Variants in DPYD observed in about 807,000 individuals in gnomAD.
The protein encoded by DPYD is dihydropyrimidine dehydrogenase [NADP(+)].
DPYD carries 109 observed loss-of-function variants against 116.2 expected under a neutral mutation model. That is an observed-to-expected ratio of 0.94 (90% CI 0.80 to 1.10). The LOEUF (loss-of-function observed/expected upper bound fraction) is 1.10. DPYD is among the 50% of genes least tolerant of loss of function. The probability of loss-of-function intolerance (pLI) is 0.00; values close to 1 mark genes in which losing one functional copy is unlikely to be tolerated. For synonymous variants in DPYD, 440 were observed against 432.0 expected (o/e 1.02, Z -0.23); for missense variants, 1,302 against 1,254.5 (o/e 1.04, Z -0.57).
At chr1:97,398,587 C>T (rs1399963790) in intron 14 of DPYD, among the ~76,000 whole-genome samples, 2 of 152,150 alleles carry the variant, frequency 1.3e-5, no homozygotes, top group Non-Finnish European at 2.9e-5. Flanking sequence ...TCCTGTTTCT[C>T]CACATCCTCT....
intron 2 of DPYD, among the ~76,000 whole-genome samples, chr1:97,870,892 C>G (rs1000274867): frequency 6.6e-6 from 1 of 151,720 alleles, no homozygotes; most frequent in South Asian, 2.1e-4. Context: ...TGGGTTCCAC[C>G]GATTAGTGTT....
At chr1:97,833,719 C>G (rs760491132) in intron 2 of DPYD, among the ~76,000 whole-genome samples, 1 of 151,988 alleles carries the variant, frequency 6.6e-6, no homozygotes, top group Non-Finnish European at 1.5e-5. Context: ...AAAGAATAAA[C>G]AGAAGAAGAG....
At chr1:97,726,100 T>C (rs1489632168) in intron 4 of DPYD, among the ~76,000 whole-genome samples, 1 of 151,602 alleles carries the variant, frequency 6.6e-6, no homozygotes, top group Non-Finnish European at 1.5e-5. Flanking sequence ...AACTAGGCAA[T>C]GACCTGTAGG....
chr1:97,834,447 T>G (rs1669672222), intron 2 of DPYD, among the ~76,000 whole-genome samples: 2 of 151,964 alleles, frequency 1.3e-5, no homozygotes, highest in Admixed American at 6.6e-5. Flanking sequence ...TTGCCATGTA[T>G]TAGTGATATA....
chr1:97,789,179 C>G (rs1667193094), intron 3 of DPYD, among the ~76,000 whole-genome samples: 2 of 152,130 alleles, frequency 1.3e-5, no homozygotes, highest in African/African-American at 4.8e-5. Flanking sequence ...ATAATAAATT[C>G]ATAGTGACCC....
chr1:97,231,874 T>A (rs1408802435), intron 19 of DPYD, among the ~76,000 whole-genome samples: 1 of 152,186 alleles, frequency 6.6e-6, no homozygotes, highest in Non-Finnish European at 1.5e-5. Flanking sequence ...AGCAAGAGTC[T>A]CTTCTGAAAC....
At chr1:97,458,858 C>A (rs991471266) in intron 13 of DPYD, among the ~76,000 whole-genome samples, 1 of 152,080 alleles carries the variant, frequency 6.6e-6, no homozygotes, top group Non-Finnish European at 1.5e-5. Context: ...CAATCTCAGA[C>A]CCTCTCTGAA....
chr1:97,162,448 G>C (rs1216610175), intron 20 of DPYD, among the ~76,000 whole-genome samples: 1 of 152,090 alleles, frequency 6.6e-6, no homozygotes. Flanking sequence ...TCTTCAAGGA[G>C]AACTACAAAC....
At chr1:97,666,723 T>A (rs1213078711) in intron 8 of DPYD, among the ~76,000 whole-genome samples, 1 of 152,126 alleles carries the variant, frequency 6.6e-6, no homozygotes, top group Non-Finnish European at 1.5e-5. Context: ...TTTCTCACCA[T>A]GGGGGGTTTC....
intron 16 of DPYD, among the ~76,000 whole-genome samples, chr1:97,332,932 A>G (rs1669090169): frequency 6.6e-6 from 1 of 152,168 alleles, no homozygotes; most frequent in African/African-American, 2.4e-5. Flanking sequence ...ATGGCTAAGA[A>G]TGAGTTGAAC....
chr1:97,204,832 A>G (rs929595197), intron 19 of DPYD, among the ~76,000 whole-genome samples: 5 of 152,060 alleles, frequency 3.3e-5, no homozygotes, highest in Non-Finnish European at 7.4e-5. Context: ...GAGCATTAAC[A>G]TTGGATCTAA....
chr1:97,757,572 T>C (rs1447055970), intron 3 of DPYD, among the ~76,000 whole-genome samples: 1 of 152,182 alleles, frequency 6.6e-6, no homozygotes, highest in Non-Finnish European at 1.5e-5. Context: ...TGCCATTGTT[T>C]GGCTTTTGAG....
At chr1:97,804,729 T>A (rs1668001362) in intron 3 of DPYD, among the ~76,000 whole-genome samples, 1 of 151,828 alleles carries the variant, frequency 6.6e-6, no homozygotes, top group African/African-American at 2.4e-5. Context: ...GATAGGTAAG[T>A]GTTTAAGTGG....
chr1:97,725,755 G>A (rs1266283421), intron 4 of DPYD, among the ~76,000 whole-genome samples: 6 of 151,610 alleles, frequency 4.0e-5, no homozygotes, highest in Non-Finnish European at 8.9e-5. Flanking sequence ...GCAAAAGAAT[G>A]AAGTTTGACC....
chr1:97,546,763 A>G (rs1650899276), intron 12 of DPYD: 2 of 1,613,152 alleles, frequency 1.2e-6, no homozygotes, highest in South Asian at 2.2e-5. Context: ...TTATCAGTAT[A>G]CTGTGTTTCT....
intron 16 of DPYD, among the ~76,000 whole-genome samples, chr1:97,355,430 T>C (rs1377402175): frequency 6.6e-6 from 1 of 152,164 alleles, no homozygotes; most frequent in Non-Finnish European, 1.5e-5. Flanking sequence ...CTTAGCAATT[T>C]TGAAATGTAC....
intron 13 of DPYD, among the ~76,000 whole-genome samples, chr1:97,480,430 T>G (rs548353971): frequency 3.3e-5 from 5 of 152,284 alleles, no homozygotes; most frequent in African/African-American, 1.2e-4. Context: ...AAAAAACTAA[T>G]GATAGTTATG....
chr1:97,179,132 G>A (rs1390828706), intron 20 of DPYD, among the ~76,000 whole-genome samples: 5 of 152,100 alleles, frequency 3.3e-5, no homozygotes, highest in Non-Finnish European at 5.9e-5. Flanking sequence ...AAATATTAGC[G>A]AGCACTAGCA....
intron 13 of DPYD, among the ~76,000 whole-genome samples, chr1:97,496,124 G>A (rs1167015292): frequency 3.3e-5 from 5 of 152,080 alleles, no homozygotes; most frequent in Non-Finnish European, 7.4e-5. Context: ...AGATACCAGA[G>A]TTTTTCCTAA....
Sources: gnomAD v4.1 joint callset for allele counts (sites outside exome capture counted in the v4.1 genomes callset) on GRCh38, gnomAD v4.1.1 for gene constraint, MANE v1.5 for transcripts, NCBI Gene and HGNC (gene_info 2026-07-23, HGNC 2026-07-21) for gene names.